The following FBXO38 variants were observed in gnomAD, a reference collection of about 807,000 sequenced individuals.
The protein encoded by FBXO38 is F-box only protein 38.
Under a neutral mutation model 131.9 loss-of-function variants are expected in FBXO38, and 53 were observed. That is an observed-to-expected ratio of 0.40 (90% CI 0.32 to 0.51). The LOEUF (loss-of-function observed/expected upper bound fraction) is 0.51. Among genes scored for constraint, FBXO38 ranks in the 20% least tolerant of loss-of-function variants. The pLI is 0.53. For synonymous variants in FBXO38, 452 were observed against 505.6 expected, an observed-to-expected ratio of 0.89 and a Z score of 1.42; for missense variants, 1,076 against 1,475.6, an observed-to-expected ratio of 0.73 and a Z score of 4.44.
chr5:148,410,888 T>C (rs1752709965), intron 9 of FBXO38, 123 bp downstream of exon 9: 1 of 833,890 alleles, frequency 1.2e-6, no homozygotes, highest in Non-Finnish European at 1.8e-6. Context: ...TTAGGTGCTC[T>C]CACGTCTTGA....
At chr5:148,430,211 G>GTGACACC (rs1464792287) in intron 15 of FBXO38, 1 of 149,732 alleles carries the variant, frequency 6.7e-6, no homozygotes, top group Non-Finnish European at 1.5e-5. Context: ...CTGGAGTGCA[G>GTGACACC]TGACACCATC....
chr5:148,419,612 C>G (rs930823779), intron 12 of FBXO38, among the ~76,000 whole-genome samples: 1 of 152,162 alleles, frequency 6.6e-6, no homozygotes, highest in Non-Finnish European at 1.5e-5. Context: ...GGGCCAGGTG[C>G]AATGCACATG....
chr5:148,387,561 C>T (rs1266651475), intron 1 of FBXO38, among the ~76,000 whole-genome samples: 1 of 152,170 alleles, frequency 6.6e-6, no homozygotes, highest in African/African-American at 2.4e-5. Context: ...TGACCTCCTC[C>T]CATGAATCAC....
chr5:148,395,364 C>A (rs1758426797), intron 2 of FBXO38, among the ~76,000 whole-genome samples: 1 of 151,906 alleles, frequency 6.6e-6, no homozygotes, highest in Non-Finnish European at 1.5e-5. Context: ...GAGATAATAC[C>A]CATCATAACT....
intron 3 of FBXO38, among the ~76,000 whole-genome samples, 176 bp from the exon 4 acceptor site, chr5:148,401,806 A>T (rs562973131): frequency 1.2e-4 from 19 of 152,174 alleles, no homozygotes; most frequent in Non-Finnish European, 2.5e-4. Flanking sequence ...TTTCTGACTC[A>T]TTTCCTCTGT....
chr5:148,385,452 A>T (rs10060753), intron 1 of FBXO38, among the ~76,000 whole-genome samples: 31,349 of 152,184 alleles, frequency 0.21, 3,358 homozygotes, highest in East Asian at 0.24. Context: ...AAATAAAATT[A>T]AAAAGGAGTT....
chr5:148,408,895 T>G (rs1454922940), intron 7 of FBXO38, among the ~76,000 whole-genome samples: 2 of 152,194 alleles, frequency 1.3e-5, no homozygotes. Context: ...TTAGAGTAGT[T>G]TTCAGATGCC....
intron 18 of FBXO38, 74 bp from the exon 19 acceptor site, chr5:148,439,573 T>G (rs1258520419): frequency 2.1e-6 from 3 of 1,409,400 alleles, no homozygotes; most frequent in Admixed American, 2.0e-5. Flanking sequence ...ATGGAAAGAT[T>G]GTTCAAGCTC....
chr5:148,402,656 A>C, intron 5 of FBXO38, 143 bp downstream of exon 5: 1 of 709,956 alleles, frequency 1.4e-6, no homozygotes, highest in African/African-American at 1.8e-5. Context: ...ATCTGTATAA[A>C]AATTCCGATT....
rs1304991567 is a variant in FBXO38, at chr5:148,406,388, A to C, written c.862A>C (p.Arg288=). Residue 288 remains arginine (R), a synonymous_variant, in exon 7 of 22, where the codon AGA becomes CGA. Coordinates refer to ENST00000340253, the MANE Select transcript of FBXO38 (RefSeq NM_205836.3). ...CCAACATGTTGTTGAAGACAGTTGG[A>C]GATCAGGTATTCATTTTCTTTAATT... is the stretch of plus-strand genomic sequence containing the variant. ...LIQHVVEDSW[R]SGGFRNLHTI... 5 of 1,560,930 alleles carry C rather than the reference A, an allele frequency of 3.2e-6. No homozygotes were observed. In the South Asian group the frequency reaches 3.7e-5, roughly 12 times the overall value.
chr5:148,414,444 G>A (rs1016189897), intron 10 of FBXO38, 138 bp downstream of exon 10: 2 of 826,992 alleles, frequency 2.4e-6, no homozygotes, highest in East Asian at 5.7e-5. Flanking sequence ...ACAAGTTCTG[G>A]TAACCTTTGA....
intron 3 of FBXO38, 112 bp from the exon 4 acceptor site, chr5:148,401,870 C>T (rs555686485): frequency 1.9e-4 from 186 of 980,650 alleles, no homozygotes; most frequent in African/African-American, 1.1e-3. Flanking sequence ...GTTAGCTTTA[C>T]GGAAATTTGA....
intron 4 of FBXO38, 101 bp from the exon 5 acceptor site, chr5:148,402,247 A>G (rs901787353): frequency 1.9e-5 from 29 of 1,543,268 alleles, no homozygotes; most frequent in Non-Finnish European, 2.5e-5. Flanking sequence ...ATCTGTCACA[A>G]ACTTTTAAGT....
At chr5:148,438,716 T>C (rs1019772142) in intron 18 of FBXO38, among the ~76,000 whole-genome samples, 3 of 152,214 alleles carry the variant, frequency 2.0e-5, no homozygotes, top group Non-Finnish European at 4.4e-5. Flanking sequence ...GAGCACAGTC[T>C]CTGGTTCAGA....
chr5:148,397,038 C>T (rs1474960045), intron 2 of FBXO38, among the ~76,000 whole-genome samples: 1 of 152,110 alleles, frequency 6.6e-6, no homozygotes, highest in Non-Finnish European at 1.5e-5. Flanking sequence ...TTTGACAGCA[C>T]GTAGAAAGAA....
At position 148,433,440 on chromosome 5, in the gene FBXO38, G is replaced by A. The variant is rs760388531; in HGVS notation, c.2670G>A (p.Lys890=). The change falls in exon 16 of 22, where the codon AAG becomes AAA. Residue 890 remains lysine, a synonymous_variant. Coordinates refer to ENST00000340253, the MANE Select transcript of FBXO38 (RefSeq NM_205836.3). ...LVSESEVAKT[K]PRHAMKRKRT... is the part of the protein sequence containing the mutation. ...CTTTTTTAGAAGTAGCCAAAACAAA[G>A]CCACGTCACGCCATGAAACGGAAGC... The A allele has an allele frequency of 6.2e-7, 1 of 1,612,134 alleles. No homozygotes were observed. Among genetic ancestry groups the A allele is most frequent in the South Asian group, 1.1e-5 (1 of 90,528 alleles).
intron 13 of FBXO38, 38 bp downstream of exon 13, chr5:148,424,155 A>G: frequency 6.3e-7 from 1 of 1,587,428 alleles, no homozygotes; most frequent in Non-Finnish European, 8.6e-7. Flanking sequence ...TCATTCTGAA[A>G]CTACGGCCTA....
At position 148,442,074 on chromosome 5, in the gene FBXO38, T is replaced by A. The variant is rs953691405; in HGVS notation, c.3494T>A (p.Phe1165Tyr). ...ATGCGTCAGATGAAGAAGGGTGTAT[T>A]TCAGCGAGTAGTGGCAATTTTTATC... ...SEMRQMKKGV[F>Y]QRVVAIFIHY... The change falls in exon 22 of 22, where the codon TTT becomes TAT. Residue 1165 changes from phenylalanine to tyrosine, a missense_variant. Physicochemically the swap from Phe to Tyr is conservative, Grantham distance 22 (BLOSUM62 3). Around this residue, in one of 8 missense-constraint regions of FBXO38, gnomAD observed 282 missense variants for 418.8 expected, o/e 0.67. Coordinates refer to ENST00000340253, the MANE Select transcript of FBXO38 (RefSeq NM_205836.3). The A allele has an allele frequency of 3.7e-6, 6 of 1,613,964 alleles. No individual in the cohort carries two copies. In the African/African-American group the frequency reaches 6.7e-5, roughly 18 times the overall value.
chr5:148,396,056 G>A (rs1279482721), intron 2 of FBXO38, among the ~76,000 whole-genome samples: 2 of 151,950 alleles, frequency 1.3e-5, no homozygotes, highest in East Asian at 3.9e-4. Context: ...GAGATCCTAA[G>A]CACTGTATTT....
Sources: gnomAD v4.1 joint callset for allele counts (sites outside exome capture counted in the v4.1 genomes callset) on GRCh38, gnomAD v4.1.1 for gene constraint, gnomAD v4.1.1 regional missense constraint, MANE v1.5 for transcripts, NCBI Gene and HGNC (gene_info 2026-07-23, HGNC 2026-07-21) for gene names.